Variants in ATXN7 observed in about 807,000 individuals in gnomAD.
The protein encoded by ATXN7 is ataxin 7, also known as ataxin-7.
A neutral mutation model predicts 70.5 loss-of-function variants in ATXN7; 12 were observed. The ratio of observed to expected loss-of-function variants is 0.17; its 90% CI spans 0.11 to 0.28. The LOEUF is 0.28. Ranked by LOEUF, ATXN7 falls within the 10% of genes least tolerant of loss-of-function variation. The probability of loss-of-function intolerance (pLI) is 1.00; values close to 1 mark genes in which losing one functional copy is unlikely to be tolerated. For synonymous variants in ATXN7, 498 were observed against 448.7 expected (o/e 1.11, Z -1.39); for missense variants, 1,256 against 1,131.7 (o/e 1.11, Z -1.58).
intron 1 of ATXN7, among the ~76,000 whole-genome samples, chr3:63,881,767 C>T (rs989190954): frequency 3.3e-5 from 5 of 152,120 alleles, no homozygotes; most frequent in East Asian, 3.9e-4. Context: ...GGATTACAGG[C>T]GTGAGCCACT....
At chr3:63,980,571 A>G (rs985100026) in intron 6 of ATXN7, 1 of 195,714 alleles carries the variant, frequency 5.1e-6, no homozygotes, top group Admixed American at 5.2e-5. Context: ...TTTGTGTCCC[A>G]TTTCTGTCAC....
chr3:63,946,280 C>T (rs543018636), intron 4 of ATXN7, among the ~76,000 whole-genome samples: 7 of 152,110 alleles, frequency 4.6e-5, no homozygotes, highest in Admixed American at 2.6e-4. Flanking sequence ...TCTTGTCGAA[C>T]GGTGGGAATT....
intron 5 of ATXN7, chr3:63,968,026 C>A: frequency 1.4e-6 from 2 of 1,414,498 alleles, no homozygotes; most frequent in Non-Finnish European, 1.9e-6. Context: ...CAGGGCCCAG[C>A]TCTGGATGAG....
intron 2 of ATXN7, chr3:63,901,622 C>G (rs537271451): frequency 6.6e-6 from 1 of 152,114 alleles, no homozygotes; most frequent in South Asian, 2.1e-4. Context: ...ATAGGGGTCT[C>G]GCTATGTGTC....
intron 1 of ATXN7, among the ~76,000 whole-genome samples, chr3:63,885,592 G>A (rs575441410): frequency 6.6e-6 from 1 of 152,278 alleles, no homozygotes; most frequent in African/African-American, 2.4e-5. Flanking sequence ...TCCTACTTCT[G>A]CATATATATC....
Position 63,996,082 on chromosome 3 carries a change from C to G in ATXN7, c.2260C>G (p.His754Asp). Reference sequence around the variant, plus strand: ...CTACCCCTCAACGGTAACATCTTCCCATAGCATCGGCCTCAACTGTGTGAC... The same window carrying G: ...CTACCCCTCAACGGTAACATCTTCCGATAGCATCGGCCTCAACTGTGTGAC... ...PPYPSTVTSS[H>D]SIGLNCVTNK... Residue 754 changes from histidine to aspartate, a missense_variant, in exon 12 of 13, where the codon CAT (histidine) becomes GAT (aspartate). By Grantham distance (81) the His-to-Asp change is moderately conservative (BLOSUM62 -1). Transcript: ENST00000674280. The G allele has an allele frequency of 1.2e-6, 2 of 1,614,194 alleles. No homozygotes were observed. The highest frequency in any genetic ancestry group is 1.7e-6 in the Non-Finnish European group (2 of 1,180,032).
intron 5 of ATXN7, among the ~76,000 whole-genome samples, chr3:63,977,290 C>G (rs773140603): frequency 6.6e-6 from 1 of 152,180 alleles, no homozygotes; most frequent in East Asian, 1.9e-4. Flanking sequence ...TCAAAACAAG[C>G]TTCATAGCAG....
intron 4 of ATXN7, among the ~76,000 whole-genome samples, chr3:63,940,162 C>T (rs770043177): frequency 1.3e-5 from 2 of 151,936 alleles, no homozygotes; most frequent in Admixed American, 6.6e-5. Flanking sequence ...GTGCGCATGC[C>T]CAGAAAGGAC....
At chr3:63,986,549 G>A (rs1374329506) in intron 8 of ATXN7, among the ~76,000 whole-genome samples, 2 of 152,170 alleles carry the variant, frequency 1.3e-5, no homozygotes, top group Non-Finnish European at 2.9e-5. Flanking sequence ...ACACGTTGGA[G>A]GGCCATTATT....
At chr3:63,948,029 T>C (rs1386750223) in intron 4 of ATXN7, among the ~76,000 whole-genome samples, 1 of 152,118 alleles carries the variant, frequency 6.6e-6, no homozygotes, top group Admixed American at 6.5e-5. Context: ...TGGAGAATTT[T>C]AAACAGGGGA....
intron 1 of ATXN7, among the ~76,000 whole-genome samples, chr3:63,884,589 T>C (rs1703026228): frequency 1.3e-5 from 2 of 152,042 alleles, no homozygotes; most frequent in African/African-American, 2.4e-5. Context: ...CTCCAAATGA[T>C]TTATGCAGAT....
At chr3:63,961,134 T>C (rs1446583681) in intron 5 of ATXN7, among the ~76,000 whole-genome samples, 2 of 152,216 alleles carry the variant, frequency 1.3e-5, no homozygotes, top group Non-Finnish European at 2.9e-5. Flanking sequence ...ACATGTACTC[T>C]TGGAGGGTTC....
At chr3:63,883,319 CACCAGAG>C (rs1702974285) in intron 1 of ATXN7, among the ~76,000 whole-genome samples, 1 of 152,140 alleles carries the variant, frequency 6.6e-6, no homozygotes, top group African/African-American at 2.4e-5. Flanking sequence ...AGTCTGAGGT[CACCAGAG>C]ATTTTATTAG....
chr3:63,869,413 TTTTTC>T (rs914512559), intron 1 of ATXN7, among the ~76,000 whole-genome samples: 5 of 152,256 alleles, frequency 3.3e-5, no homozygotes, highest in South Asian at 2.1e-4. Flanking sequence ...ATCATACATC[TTTTTC>T]TTTTCTTTTC....
chr3:63,950,553 T>A (rs1206106633), intron 4 of ATXN7, among the ~76,000 whole-genome samples: 1 of 152,238 alleles, frequency 6.6e-6, no homozygotes. Flanking sequence ...TTATACCAGT[T>A]CTGTAATTTA....
At chr3:63,961,476 T>A (rs1231733194) in intron 5 of ATXN7, among the ~76,000 whole-genome samples, 2 of 152,186 alleles carry the variant, frequency 1.3e-5, no homozygotes, top group African/African-American at 4.8e-5. Flanking sequence ...CACAGTGCCC[T>A]CCAGGTTTGT....
chr3:64,000,065 G>A lies in ATXN7; in HGVS notation c.*598G>A, dbSNP rs1285826855. The A allele has an allele frequency of 6.5e-6, 1 of 152,782 alleles. No homozygotes were observed. The highest frequency in any genetic ancestry group is 2.4e-5 in the African/African-American group (1 of 41,432). The allele number at this position is 152,782 out of a possible 1,614,324, so 9.5% of individuals were successfully genotyped here. A position where few individuals can be genotyped will look rare whatever the true frequency, so the allele number is the denominator to read the frequency against. On this transcript the variant is annotated 3_prime_UTR_variant, in exon 13 of 13. Transcript: ENST00000674280. ...TATAGATGTTAGCCCAAGACACCAT[G>A]ACAAAATAGCCCAGCCTTTTGAGAG...
In ATXN7 at chr3:63,995,309, C is replaced by T. The variant is rs927052706; in HGVS notation, c.1683-196C>T. Among the ~76,000 whole-genome samples, 20 of 152,188 alleles carry T rather than the reference C, an allele frequency of 1.3e-4. 1 individual carries two copies. Among genetic ancestry groups the T allele is most frequent in the Admixed American group, 9.2e-4 (14 of 15,288 alleles). On this transcript the variant is annotated intron_variant, in intron 11 of 12. Coordinates refer to ENST00000674280, the MANE Select transcript of ATXN7 (RefSeq NM_001377405.1). ...ATAGCAGCGGGGAGTTGCACACATACAGTTCTGTAAGAACTGTACCAGGAA... is the reference window on the plus strand; with the variant it reads ...ATAGCAGCGGGGAGTTGCACACATATAGTTCTGTAAGAACTGTACCAGGAA...
At chr3:63,887,570 T>C (rs1405385203) in intron 1 of ATXN7, among the ~76,000 whole-genome samples, 4 of 152,238 alleles carry the variant, frequency 2.6e-5, no homozygotes, top group Admixed American at 6.5e-5. Context: ...GATGGATCTC[T>C]GTTTTATTAT....
Sources: allele counts gnomAD v4.1 joint callset (sites outside exome capture counted in the v4.1 genomes callset), GRCh38; gene constraint gnomAD v4.1.1; transcripts MANE v1.5; gene names NCBI Gene and HGNC (gene_info 2026-07-23, HGNC 2026-07-21).